Variants in NKTR observed in about 807,000 individuals in gnomAD.
NKTR encodes natural killer cell triggering receptor.
Under a neutral mutation model 156.3 loss-of-function variants are expected in NKTR, and 67 were observed. That is an observed-to-expected ratio of 0.43 (90% CI 0.35 to 0.53). NKTR has a LOEUF of 0.53. Among genes scored for constraint, NKTR ranks in the 20% least tolerant of loss-of-function variants. The probability of loss-of-function intolerance (pLI) is 0.01; values close to 1 mark genes in which losing one functional copy is unlikely to be tolerated. For synonymous variants in NKTR, 640 were observed against 596.6 expected (o/e 1.07, Z -1.06); for missense variants, 1,604 against 1,730.9 (o/e 0.93, Z 1.30).
intron 2 of NKTR, among the ~76,000 whole-genome samples, chr3:42,604,897 C>G (rs532963210): frequency 6.6e-6 from 1 of 151,688 alleles, no homozygotes; most frequent in Non-Finnish European, 1.5e-5. Context: ...TTCATGATGC[C>G]CAGGCTGGTC....
intron 4 of NKTR, 120 bp downstream of exon 4, chr3:42,619,247 T>C: frequency 6.6e-7 from 1 of 1,503,892 alleles, no homozygotes; most frequent in Non-Finnish European, 8.8e-7. Flanking sequence ...GGTCAGTGAA[T>C]ACTTGTTGGA....
intron 8 of NKTR, among the ~76,000 whole-genome samples, chr3:42,632,121 G>C (rs1043440036): frequency 7.2e-6 from 1 of 139,680 alleles, no homozygotes; most frequent in African/African-American, 2.7e-5. Flanking sequence ...CCAGGCTGGA[G>C]TGCAGTGGCA....
At chr3:42,645,780 A>T in intron 16 of NKTR, 108 bp from the exon 17 acceptor site, 2 of 640,746 alleles carry the variant, frequency 3.1e-6, no homozygotes. Flanking sequence ...GAGTGGCTTG[A>T]AAACACTATT....
chr3:42,630,232 G>A (rs1708765686), intron 6 of NKTR: 1 of 1,119,392 alleles, frequency 8.9e-7, no homozygotes, highest in Non-Finnish European at 1.1e-6. Flanking sequence ...GGAGTTGAGA[G>A]TAACTTTAAT....
chr3:42,643,804 T>C, intron 15 of NKTR, 98 bp from the exon 16 acceptor site: 1 of 790,166 alleles, frequency 1.3e-6, no homozygotes, highest in South Asian at 1.6e-5. Context: ...CTAGTGCCCA[T>C]GTTCTAAGCT....
At chr3:42,612,082 C>G (rs1706878618) in intron 2 of NKTR, among the ~76,000 whole-genome samples, 1 of 152,328 alleles carries the variant, frequency 6.6e-6, no homozygotes, top group African/African-American at 2.4e-5. Flanking sequence ...ACCTGGGGAA[C>G]AGAGCGAGAC....
intron 2 of NKTR, among the ~76,000 whole-genome samples, chr3:42,610,477 T>A (rs1327044717): frequency 6.6e-6 from 1 of 152,210 alleles, no homozygotes; most frequent in Non-Finnish European, 1.5e-5. Flanking sequence ...TATAAAGGAA[T>A]GAATGTTGAA....
intron 3 of NKTR, among the ~76,000 whole-genome samples, chr3:42,618,131 A>G (rs1410382809): frequency 1.3e-5 from 2 of 152,040 alleles, no homozygotes; most frequent in African/African-American, 2.4e-5. Flanking sequence ...CAGGTGGATC[A>G]CCTGAGGTCA....
chr3:42,628,243 A>G, intron 6 of NKTR: 1 of 985,394 alleles, frequency 1.0e-6, no homozygotes, highest in East Asian at 1.1e-4. Flanking sequence ...TTTAGGCACT[A>G]TGGGCAGGCT....
rs201803926 is a variant in NKTR, at chr3:42,607,969, C to CTTTTTTTTTTTTTTTT, written c.58+6933_58+6948dup. 3.7e-4 allele frequency among the ~76,000 whole-genome samples: 28 copies of CTTTTTTTTTTTTTTTT among 74,960 alleles called. 2 individuals carry two copies. Among genetic ancestry groups the CTTTTTTTTTTTTTTTT allele is most frequent in the Non-Finnish European group, 5.9e-4 (20 of 33,910 alleles). 49.2% of individuals were successfully genotyped at this position (74,960 alleles called of 152,430 possible). ...TGCCAATCGCAAGTCCTGAGTCGCT[C>CTTTTTTTTTTTTTTTT]TTTTTTTTTTTTTTTTTTTTTTTTT... On this transcript the variant is annotated intron_variant, in intron 2 of 16. Transcript: ENST00000232978.
intron 2 of NKTR, among the ~76,000 whole-genome samples, chr3:42,604,659 CTTTTTTTTTTTTTTTTTTTTTTTTT>C (rs71072726): frequency 1.3e-4 from 6 of 45,294 alleles, no homozygotes; most frequent in East Asian, 4.8e-4. Flanking sequence ...TATTTCTCTC[CTTTTTTTTTTTTTTTTTTTTTTTTT>C]TTTTTTTTTT....
intron 4 of NKTR, 177 bp from the exon 5 acceptor site, chr3:42,619,487 A>G (rs1707707794): frequency 1.4e-6 from 2 of 1,421,038 alleles, no homozygotes; most frequent in Non-Finnish European, 9.1e-7. Flanking sequence ...ATTTCTTGTA[A>G]TGGGACTTGA....
chr3:42,634,597 A>C lies in NKTR; in HGVS notation c.930-16A>C. ...TTTGCTTATTTTTAATTTTCATCAC[A>C]ATCTTCTTTTCCTAGGAAGATTCCT... On this transcript the variant is annotated splice_polypyrimidine_tract_variant and intron_variant, in intron 10 of 16. Coordinates refer to ENST00000232978, the MANE Select transcript of NKTR (RefSeq NM_005385.4). 2.8e-6 allele frequency: 4 copies of C among 1,425,890 alleles called. No individual in the cohort carries two copies. The highest frequency in any genetic ancestry group is 3.8e-6 in the Non-Finnish European group (4 of 1,039,046). The allele number at this position is 1,425,890 out of a possible 1,614,324, so 88.3% of individuals were successfully genotyped here.
intron 2 of NKTR, chr3:42,601,844 C>T (rs1422373663): frequency 1.3e-5 from 2 of 152,084 alleles, no homozygotes; most frequent in African/African-American, 4.8e-5. Flanking sequence ...CTTATGAGAG[C>T]CTGCTACTGT....
chr3:42,629,369 T>A, intron 6 of NKTR: 1 of 947,294 alleles, frequency 1.1e-6, no homozygotes, highest in Non-Finnish European at 1.3e-6. Flanking sequence ...ACATTTTAAT[T>A]TTTTTAAATT....
At chr3:42,631,733 A>G (rs1338247058) in intron 8 of NKTR, among the ~76,000 whole-genome samples, 1 of 152,150 alleles carries the variant, frequency 6.6e-6, no homozygotes, top group African/African-American at 2.4e-5. Flanking sequence ...AAGGACTCCC[A>G]TCTTCAATCA....
rs748938530 is a variant in NKTR at position 42,643,937 on chromosome 3, G to A, written c.4235G>A (p.Arg1412Gln). 1.1e-5 allele frequency: 17 copies of A among 1,613,892 alleles called. No individual in the cohort carries two copies. The highest frequency in any genetic ancestry group is 1.7e-5 in the Admixed American group (1 of 59,990). Residue 1412 changes from arginine (R) to glutamine (Q), a missense_variant, in exon 16 of 17, where the codon CGG (arginine) becomes CAG (glutamine). Physicochemically the swap from Arg to Gln is conservative, Grantham distance 43. This residue lies in a region of NKTR where 193 missense variants were observed against 220.2 expected (regional missense o/e 0.88). Transcript: ENST00000232978. ...YTYDSYYSRS[R>Q]SRSRSQRSDS... The stretch of plus-strand genomic sequence containing the variant: ...TACGATAGCTACTATAGCAGGAGTC[G>A]GAGTCGAAGTAGAAGCCAGAGAAGT...
At chr3:42,641,770 C>G (rs1365472889) in intron 13 of NKTR, among the ~76,000 whole-genome samples, 1 of 151,472 alleles carries the variant, frequency 6.6e-6, no homozygotes, top group Admixed American at 6.6e-5. Context: ...CCCAGCTACT[C>G]AGGAGGCTGA....
At chr3:42,627,950 A>C (rs1443153131) in intron 6 of NKTR, 1 of 985,236 alleles carries the variant, frequency 1.0e-6, no homozygotes, top group Non-Finnish European at 1.2e-6. Context: ...CTCTTTTAGT[A>C]GAATTGAATA....
Sources: allele counts gnomAD v4.1 joint callset (sites outside exome capture counted in the v4.1 genomes callset), GRCh38; gene constraint gnomAD v4.1.1; regional missense constraint gnomAD v4.1.1; transcripts MANE v1.5; gene names NCBI Gene and HGNC (gene_info 2026-07-23, HGNC 2026-07-21).